Variants in EIPR1 observed in about 807,000 individuals in gnomAD.
EIPR1 encodes EARP complex and GARP complex interacting protein 1, also known as EARP and GARP complex-interacting protein 1.
Under a neutral mutation model 48.1 loss-of-function variants are expected in EIPR1, and 25 were observed. That is an observed-to-expected ratio of 0.52 (90% CI 0.38 to 0.73). The LOEUF is 0.73. EIPR1 is among the 30% of genes least tolerant of loss of function. The probability of loss-of-function intolerance (pLI) is 0.00; values close to 1 mark genes in which losing one functional copy is unlikely to be tolerated. For missense variants in EIPR1, 415 were observed against 506.2 expected (o/e 0.82, Z 1.73); for synonymous variants, 204 against 201.9 (o/e 1.01, Z -0.09).
chr2:3,199,072 G>GCTCCCCCCCC (rs1553278585), intron 5 of EIPR1, among the ~76,000 whole-genome samples: 1 of 24,414 alleles, frequency 4.1e-5, no homozygotes, highest in Admixed American at 4.1e-4. Context: ...CCCCCCCCCC[G>GCTCCCCCCCC]CCCCGGGAAT....
At chr2:3,345,125 C>T (rs1401060421) in intron 2 of EIPR1, among the ~76,000 whole-genome samples, 2 of 152,086 alleles carry the variant, frequency 1.3e-5, no homozygotes, top group Non-Finnish European at 2.9e-5. Context: ...CTGTGCAGTG[C>T]GTGGTCAAGG....
At chr2:3,207,124 C>A (rs561555259) in intron 5 of EIPR1, among the ~76,000 whole-genome samples, 4 of 152,232 alleles carry the variant, frequency 2.6e-5, no homozygotes, top group African/African-American at 9.6e-5. Flanking sequence ...CTGCTCCATC[C>A]GCATCCATGT....
At chr2:3,268,833 C>T (rs1421905204) in intron 3 of EIPR1, among the ~76,000 whole-genome samples, 1 of 152,304 alleles carries the variant, frequency 6.6e-6, no homozygotes, top group African/African-American at 2.4e-5. Context: ...TCTTCACCAA[C>T]ACGAGGCCGA....
intron 4 of EIPR1, among the ~76,000 whole-genome samples, chr2:3,218,916 C>A (rs1389674458): frequency 1.5e-4 from 9 of 60,998 alleles, no homozygotes; most frequent in South Asian, 1.2e-3. Context: ...AACACGGCCC[C>A]GATACGCTCT....
intron 3 of EIPR1, among the ~76,000 whole-genome samples, chr2:3,258,895 A>G (rs914411178): frequency 6.6e-6 from 1 of 152,242 alleles, no homozygotes; most frequent in Non-Finnish European, 1.5e-5. Flanking sequence ...TGGAGTGTAC[A>G]GACAGTTCTG....
At chr2:3,250,779 G>T (rs891094506) in intron 4 of EIPR1, among the ~76,000 whole-genome samples, 1 of 152,102 alleles carries the variant, frequency 6.6e-6, no homozygotes, top group East Asian at 1.9e-4. Flanking sequence ...CACAAGATTC[G>T]CTTGTTTAAA....
At chr2:3,336,882 GA>G (rs1670066758) in intron 3 of EIPR1, among the ~76,000 whole-genome samples, 1 of 108,190 alleles carries the variant, frequency 9.2e-6, no homozygotes, top group Non-Finnish European at 1.8e-5. Flanking sequence ...GAAGGGAAGG[GA>G]AAAGGGAAGG....
intron 4 of EIPR1, among the ~76,000 whole-genome samples, chr2:3,244,126 C>G (rs766451566): frequency 6.6e-6 from 1 of 152,268 alleles, no homozygotes; most frequent in African/African-American, 2.4e-5. Context: ...CAGCAAAGGA[C>G]TTCCAGGGAA....
At chr2:3,336,998 A>AG (rs1309340998) in intron 3 of EIPR1, among the ~76,000 whole-genome samples, 1 of 143,806 alleles carries the variant, frequency 7.0e-6, no homozygotes, top group African/African-American at 2.6e-5. Context: ...GGAAGAAGGA[A>AG]GGGAAAGGGA....
At chr2:3,197,442 A>G (rs1003254832) in intron 5 of EIPR1, among the ~76,000 whole-genome samples, 5 of 152,210 alleles carry the variant, frequency 3.3e-5, no homozygotes, top group Non-Finnish European at 7.3e-5. Flanking sequence ...TCTCCAGTGC[A>G]CGCCCTCTTC....
intron 3 of EIPR1, among the ~76,000 whole-genome samples, chr2:3,307,204 C>T (rs1011309915): frequency 6.6e-6 from 1 of 152,086 alleles, no homozygotes; most frequent in Non-Finnish European, 1.5e-5. Flanking sequence ...TCAAATGATC[C>T]GCCTACCTCA....
At chr2:3,316,975 T>A (rs1324124381) in intron 3 of EIPR1, among the ~76,000 whole-genome samples, 1 of 152,074 alleles carries the variant, frequency 6.6e-6, no homozygotes, top group African/African-American at 2.4e-5. Flanking sequence ...GCCTTGCACA[T>A]GGGGTGGAGC....
At chr2:3,375,390 A>T (rs1295322010) in intron 1 of EIPR1, among the ~76,000 whole-genome samples, 115 of 97,084 alleles carry the variant, frequency 1.2e-3, no homozygotes, top group African/African-American at 3.0e-3. Flanking sequence ...TAATAATTTA[A>T]AAAAAAAAGA....
chr2:3,324,377 T>C (rs1051147128), intron 3 of EIPR1, among the ~76,000 whole-genome samples: 2 of 152,168 alleles, frequency 1.3e-5, no homozygotes, highest in African/African-American at 4.8e-5. Flanking sequence ...CTTTCCCAGC[T>C]CCTCCCGGGC....
intron 3 of EIPR1, among the ~76,000 whole-genome samples, chr2:3,275,965 T>C (rs1284843232): frequency 1.3e-5 from 2 of 152,252 alleles, no homozygotes; most frequent in African/African-American, 4.8e-5. Context: ...CTCAAGGCTT[T>C]GGACTCAAAG....
At chr2:3,221,665 CAAT>C (rs1234512027) in intron 4 of EIPR1, among the ~76,000 whole-genome samples, 1 of 16,098 alleles carries the variant, frequency 6.2e-5, no homozygotes, top group Non-Finnish European at 2.2e-4. Context: ...CACACGCACA[CAAT>C]GGCCGAGGTA....
At chr2:3,283,892 G>A (rs1219171224) in intron 3 of EIPR1, among the ~76,000 whole-genome samples, 1 of 145,382 alleles carries the variant, frequency 6.9e-6, no homozygotes, top group East Asian at 2.1e-4. Flanking sequence ...GATGCAGTGA[G>A]CCAAGATTGC....
At chr2:3,210,661 C>T (rs1173087159) in intron 5 of EIPR1, among the ~76,000 whole-genome samples, 5 of 141,568 alleles carry the variant, frequency 3.5e-5, no homozygotes, top group South Asian at 2.3e-4. Flanking sequence ...GACGGAGTCT[C>T]GCTCTGTCGC....
chr2:3,257,348 G>C lies in EIPR1; in HGVS notation c.367C>G (p.Leu123Val). Residue 123 changes from leucine to valine, a missense_variant, in exon 4 of 9, where the codon CTG becomes GTG. Coordinates refer to ENST00000382125, the MANE Select transcript of EIPR1 (RefSeq NM_003310.5). Reference sequence around the variant, plus strand: ...TTGTCAAGGTGACAGAGCAGCTCCAGGGTCTGTGCAGTGCTGGATGAATCA... The same window carrying C: ...TTGTCAAGGTGACAGAGCAGCTCCACGGTCTGTGCAGTGCTGGATGAATCA... ...PDDSSSTAQT[L>V]ELLCHLDNTA... 6.2e-7 allele frequency: 1 copy of C among 1,614,152 alleles called. No homozygotes were observed. The highest frequency in any genetic ancestry group is 8.5e-7 in the Non-Finnish European group (1 of 1,180,022).
Sources: gnomAD v4.1 joint callset for allele counts (sites outside exome capture counted in the v4.1 genomes callset) on GRCh38, gnomAD v4.1.1 for gene constraint, MANE v1.5 for transcripts, NCBI Gene and HGNC (gene_info 2026-07-23, HGNC 2026-07-21) for gene names.